Variants in PI4KA observed in about 807,000 individuals in gnomAD.
PI4KA encodes phosphatidylinositol 4-kinase alpha.
In PI4KA, 122 loss-of-function variants were observed where a neutral mutation model predicts 271.4. That is an observed-to-expected ratio of 0.45 (90% CI 0.39 to 0.52). The LOEUF (loss-of-function observed/expected upper bound fraction) is 0.52. Ranked by LOEUF, PI4KA falls within the 20% of genes least tolerant of loss-of-function variation. PI4KA has a pLI of 0.00. For missense variants in PI4KA, 1,969 were observed against 2,769.1 expected, an observed-to-expected ratio of 0.71 and a Z score of 6.48; for synonymous variants, 1,041 against 1,078.8, an observed-to-expected ratio of 0.96 and a Z score of 0.69.
intron 3 of PI4KA, among the ~76,000 whole-genome samples, chr22:20,826,700 C>G (rs1370257617): frequency 6.6e-6 from 1 of 152,222 alleles, no homozygotes; most frequent in Admixed American, 6.6e-5. Context: ...TCTCTACAAC[C>G]TCACCAGCAT....
chr22:20,785,870 C>T (rs879783301), intron 19 of PI4KA: 18 of 1,288,576 alleles, frequency 1.4e-5, no homozygotes, highest in African/African-American at 2.9e-5. Flanking sequence ...CTGACAGTCC[C>T]GGAATATAAA....
chr22:20,798,694 G>A lies in PI4KA; in HGVS notation c.2005-7C>T, dbSNP rs761831079. ...CTTCCTGATAGATGTATTGCTGGGAGAGAGCAAGATGCACTGTCACCATGC... is the reference window on the plus strand; with the variant it reads ...CTTCCTGATAGATGTATTGCTGGGAAAGAGCAAGATGCACTGTCACCATGC... On this transcript the variant is annotated splice_polypyrimidine_tract_variant and splice_region_variant and intron_variant, in intron 16 of 54. Coordinates refer to ENST00000255882, the MANE Select transcript of PI4KA (RefSeq NM_058004.4). 12 of 1,588,728 alleles carry A rather than the reference G, an allele frequency of 7.6e-6. No individual in the cohort carries two copies. In the African/African-American group the frequency reaches 1.2e-4, roughly 16 times the overall value.
At position 20,770,375 on chromosome 22, in the gene PI4KA, T is replaced by A. The variant is rs549510466; in HGVS notation, c.2329-4682A>T. 1.5e-4 allele frequency among the ~76,000 whole-genome samples: 23 copies of A among 151,392 alleles called. No homozygotes were observed. The East Asian group carries it at 4.1e-3, about 27-fold the overall frequency. On this transcript the variant is annotated intron_variant, in intron 19 of 54. Transcript: ENST00000255882. ...TAAAAACACAAAAATTAGCCAGGCA[T>A]GATGGCAGGCGCCTGTAATCCCAGC...
Position 20,753,154 on chromosome 22 carries a change from C to T in PI4KA, c.2818G>A (p.Ala940Thr), listed in dbSNP as rs376772368. The change falls in exon 24 of 55, where the codon GCG becomes ACG. Residue 940 changes from alanine (A) to threonine (T), a missense_variant. Ala to Thr is a moderately conservative substitution (Grantham distance 58). Coordinates refer to ENST00000255882, the MANE Select transcript of PI4KA (RefSeq NM_058004.4). ...SGMMQCVIAV[A>T]DKVFDAFLNM... is the part of the protein sequence containing the mutation. Reference sequence around the variant, plus strand: ...AGGAAGGCATCGAATACTTTGTCCGCGACTGCAATCACACACTGCATCATC... The same window carrying T: ...AGGAAGGCATCGAATACTTTGTCCGTGACTGCAATCACACACTGCATCATC... 9.6e-5 allele frequency: 155 copies of T among 1,613,190 alleles called. No homozygotes were observed. The highest frequency in any genetic ancestry group is 1.1e-4 in the Non-Finnish European group (132 of 1,180,036).
chr22:20,743,445 T>C (rs935980755), intron 30 of PI4KA, among the ~76,000 whole-genome samples: 11 of 150,014 alleles, frequency 7.3e-5, no homozygotes, highest in Non-Finnish European at 1.0e-4. Context: ...CACCCAGCCC[T>C]CCTTACTATT....
chr22:20,756,920 C>T (rs1568995103), intron 23 of PI4KA, among the ~76,000 whole-genome samples: 1 of 152,216 alleles, frequency 6.6e-6, no homozygotes, highest in African/African-American at 2.4e-5. Context: ...TGAGCTACCA[C>T]ACCCGGCCCT....
chr22:20,843,049 G>C (rs1217397142), intron 1 of PI4KA, among the ~76,000 whole-genome samples: 8 of 143,166 alleles, frequency 5.6e-5, no homozygotes, highest in Non-Finnish European at 1.2e-4. Flanking sequence ...AGTGAGCCGA[G>C]ACTGCGCCAC....
intron 6 of PI4KA, among the ~76,000 whole-genome samples, chr22:20,819,312 T>C (rs1922275141): frequency 6.6e-6 from 1 of 152,040 alleles, no homozygotes; most frequent in Non-Finnish European, 1.5e-5. Context: ...TGGTTTTTTT[T>C]TTTTTAACAC....
At position 20,717,805 on chromosome 22, in the gene PI4KA, T is replaced by C. The variant is rs1174087075; in HGVS notation, c.5247-27A>G. 6 of 1,524,594 alleles carry C rather than the reference T, an allele frequency of 3.9e-6. No individual in the cohort carries two copies. In the Admixed American group the frequency reaches 7.8e-5, roughly 20 times the overall value. 94.4% of individuals were successfully genotyped at this position (1,524,594 alleles called of 1,614,324 possible). A position where few individuals can be genotyped will look rare whatever the true frequency, so the allele number is the denominator to read the frequency against. Reference sequence around the variant, plus strand: ...TGAGAAACAGGAAAGAAATTCTTGCTTTGTCTCCTGGAGGAACTGGCTGCT... The same window carrying C: ...TGAGAAACAGGAAAGAAATTCTTGCCTTGTCTCCTGGAGGAACTGGCTGCT... On this transcript the variant is annotated intron_variant, in intron 44 of 54. Transcript: ENST00000255882.
intron 32 of PI4KA, among the ~76,000 whole-genome samples, chr22:20,740,614 A>G (rs1254007309): frequency 6.6e-6 from 1 of 152,206 alleles, no homozygotes; most frequent in East Asian, 1.9e-4. Context: ...AAAATGAAAG[A>G]TAAGGAGAAA....
At chr22:20,781,283 C>T (rs1455735977) in intron 19 of PI4KA, among the ~76,000 whole-genome samples, 1 of 152,216 alleles carries the variant, frequency 6.6e-6, no homozygotes, top group Non-Finnish European at 1.5e-5. Context: ...CTACTTTACT[C>T]TCTAAGCTGA....
chr22:20,742,077 T>G, intron 32 of PI4KA, 151 bp downstream of exon 32: 1 of 752,302 alleles, frequency 1.3e-6, no homozygotes. Flanking sequence ...GACTGTCAGG[T>G]ATAATAATAG....
intron 9 of PI4KA, among the ~76,000 whole-genome samples, chr22:20,810,304 A>G (rs767020652): frequency 2.6e-5 from 4 of 152,152 alleles, no homozygotes; most frequent in Non-Finnish European, 5.9e-5. Flanking sequence ...CAGGAGATTG[A>G]GACCATCCTG....
At position 20,841,199 on chromosome 22, in the gene PI4KA, C is replaced by A. The variant is rs146672016; in HGVS notation, c.157-2468G>T. 6.2e-4 allele frequency among the ~76,000 whole-genome samples: 95 copies of A among 152,228 alleles called. 1 individual carries two copies. In the East Asian group the frequency reaches 0.016, roughly 26 times the overall value. ...CCTGCCACCAAGGCTTTCTTTTTTA[C>A]ATAAAGCATAAGAATGGATTTCCTC... is the stretch of plus-strand genomic sequence containing the variant. On this transcript the variant is annotated intron_variant, in intron 1 of 54. Transcript: ENST00000255882.
At chr22:20,771,029 A>T (rs1156805124) in intron 19 of PI4KA, among the ~76,000 whole-genome samples, 1 of 152,118 alleles carries the variant, frequency 6.6e-6, no homozygotes, top group African/African-American at 2.4e-5. Flanking sequence ...AACTAAAAAA[A>T]TTTTTTTCCA....
At chr22:20,719,527 A>G (rs1926441838) in intron 43 of PI4KA, among the ~76,000 whole-genome samples, 1 of 152,140 alleles carries the variant, frequency 6.6e-6, no homozygotes, top group Admixed American at 6.6e-5. Flanking sequence ...AGCTTGTCTG[A>G]TTTTGGAGCC....
chr22:20,843,194 A>T (rs1200147482), intron 1 of PI4KA, among the ~76,000 whole-genome samples: 2 of 152,168 alleles, frequency 1.3e-5, no homozygotes, highest in East Asian at 3.8e-4. Flanking sequence ...ATAACTTTAG[A>T]ATCAGAAAAA....
intron 19 of PI4KA, among the ~76,000 whole-genome samples, chr22:20,783,104 C>T (rs77483801): frequency 2.5e-3 from 376 of 152,302 alleles, no homozygotes; most frequent in African/African-American, 8.2e-3. Context: ...GAAGAATGCC[C>T]GGCACATGGC....
intron 1 of PI4KA, among the ~76,000 whole-genome samples, chr22:20,845,265 A>T (rs1028320715): frequency 3.3e-5 from 5 of 152,224 alleles, no homozygotes; most frequent in African/African-American, 1.2e-4. Flanking sequence ...TTCAAGGAGA[A>T]AGTAAGTCTG....
Sources: allele counts gnomAD v4.1 joint callset (sites outside exome capture counted in the v4.1 genomes callset), GRCh38; gene constraint gnomAD v4.1.1; transcripts MANE v1.5; gene names NCBI Gene and HGNC (gene_info 2026-07-23, HGNC 2026-07-21).